SLC25A40: variants seen among roughly 807,000 people sequenced by gnomAD.
SLC25A40 encodes mitochondrial glutathione transporter SLC25A40.
Under a neutral mutation model 46.5 loss-of-function variants are expected in SLC25A40, and 41 were observed. That is an observed-to-expected ratio of 0.88 (90% CI 0.69 to 1.14). SLC25A40 has a LOEUF of 1.14. SLC25A40 is among the 50% of genes most tolerant of loss of function. The probability of loss-of-function intolerance (pLI) is 0.00; values close to 1 mark genes in which losing one functional copy is unlikely to be tolerated. For synonymous variants in SLC25A40, 126 were observed against 127.5 expected (o/e 0.99, Z 0.08); for missense variants, 386 against 393.6 (o/e 0.98, Z 0.16).
rs568452769 is a variant in SLC25A40 at position 87,869,283 on chromosome 7, T to TG, written c.-94+6812dup. Among the ~76,000 whole-genome samples, 747 of 152,210 alleles carry TG rather than the reference T, an allele frequency of 4.9e-3. 7 individuals carry two copies. The highest frequency in any genetic ancestry group is 0.017 in the African/African-American group (715 of 41,522). ...GCTCATGCCTGTATTCCTAGCACTT[T>TG]GGGGGGCCGAGTGAGGCAAACTGCT... is the stretch of plus-strand genomic sequence containing the variant. On this transcript the variant is annotated intron_variant, in intron 1 of 11. Transcript: ENST00000341119.
chr7:87,850,612 T>C (rs1279451091), intron 5 of SLC25A40, among the ~76,000 whole-genome samples: 1 of 151,608 alleles, frequency 6.6e-6, no homozygotes, highest in Non-Finnish European at 1.5e-5. Flanking sequence ...TACAAAAAGC[T>C]AAAAAATTTG....
At chr7:87,866,858 TC>T (rs1294450851) in intron 1 of SLC25A40, among the ~76,000 whole-genome samples, 1 of 152,244 alleles carries the variant, frequency 6.6e-6, no homozygotes, top group African/African-American at 2.4e-5. Context: ...TTAATCCTTT[TC>T]CTCATCCCTT....
chr7:87,871,734 C>T (rs889920135), intron 1 of SLC25A40, among the ~76,000 whole-genome samples: 7 of 151,980 alleles, frequency 4.6e-5, no homozygotes, highest in Non-Finnish European at 7.4e-5. Flanking sequence ...AGAATTTAAC[C>T]ATCTATGTTT....
chr7:87,863,190 A>T (rs1017087399), intron 1 of SLC25A40, among the ~76,000 whole-genome samples: 9 of 152,128 alleles, frequency 5.9e-5, no homozygotes, highest in African/African-American at 1.7e-4. Flanking sequence ...TTTTAAAAAA[A>T]TACTTAGGAA....
At chr7:87,867,201 T>C (rs1429988030) in intron 1 of SLC25A40, among the ~76,000 whole-genome samples, 2 of 152,256 alleles carry the variant, frequency 1.3e-5, no homozygotes, top group African/African-American at 4.8e-5. Context: ...GAATAAGTTT[T>C]CTACCTCAAC....
Position 87,847,028 on chromosome 7 carries a change from G to A in SLC25A40, c.552C>T (p.Ser184=), listed in dbSNP as rs767831970. 4.3e-6 allele frequency: 7 copies of A among 1,613,748 alleles called. No homozygotes were observed. The highest frequency in any genetic ancestry group is 3.3e-5 in the South Asian group (3 of 91,064). Residue 184 remains serine, a synonymous_variant, in exon 8 of 12, where the codon AGC becomes AGT. Transcript: ENST00000341119. ...TCCAACCATCTTCAGATACTTTCTTGCTGACAAATCGATGCAGTTCCACGT... is the reference window on the plus strand; with the variant it reads ...TCCAACCATCTTCAGATACTTTCTTACTGACAAATCGATGCAGTTCCACGT... ...FSYVELHRFV[S]KKVSEDGWIS... is the part of the protein sequence containing the mutation.
At position 87,839,689 on chromosome 7, in the gene SLC25A40, T is replaced by C. The variant is rs188492952; in HGVS notation, c.823+1944A>G. ...ATGCAGCCTCTCTTCCAGTAGATTATGAGCTCTTTGAGGATTTGGGTAATT... is the reference window on the plus strand; with the variant it reads ...ATGCAGCCTCTCTTCCAGTAGATTACGAGCTCTTTGAGGATTTGGGTAATT... On this transcript the variant is annotated intron_variant, in intron 10 of 11. Transcript: ENST00000341119. 2.2e-4 allele frequency among the ~76,000 whole-genome samples: 33 copies of C among 151,900 alleles called. No individual in the cohort carries two copies. In the East Asian group the frequency reaches 5.0e-3, roughly 23 times the overall value.
rs1439149910 is a variant in SLC25A40, at chr7:87,841,679, T to C, written c.777A>G (p.Val259=). The change falls in exon 10 of 12, where the codon GTA becomes GTG. Residue 259 remains valine (V), a synonymous_variant. Coordinates refer to ENST00000341119, the MANE Select transcript of SLC25A40 (RefSeq NM_018843.4). ...AAAGTTGTGTCTGCTTTTGTGTTTTTACTACATCAAATGGTAAAGTTGCAA... is the reference window on the plus strand; with the variant it reads ...AAAGTTGTGTCTGCTTTTGTGTTTTCACTACATCAAATGGTAAAGTTGCAA... ...AAVATLPFDV[V]KTQKQTQLWT... is the part of the protein sequence containing the mutation. 6.5e-7 allele frequency: 1 copy of C among 1,531,882 alleles called. No homozygotes were observed. 94.9% of individuals were successfully genotyped at this position (1,531,882 alleles called of 1,614,324 possible).
At chr7:87,838,254 T>A (rs998045729) in intron 10 of SLC25A40, among the ~76,000 whole-genome samples, 1 of 151,552 alleles carries the variant, frequency 6.6e-6, no homozygotes, top group African/African-American at 2.4e-5. Flanking sequence ...AATTATTTCA[T>A]TTAAATTTTA....
intron 4 of SLC25A40, among the ~76,000 whole-genome samples, chr7:87,854,701 A>C (rs1250297147): frequency 6.7e-6 from 1 of 149,010 alleles, no homozygotes; most frequent in African/African-American, 2.5e-5. Context: ...AGTCCCAGCT[A>C]CTCGGGAGGC....
chr7:87,867,798 T>C (rs147532983), intron 1 of SLC25A40, among the ~76,000 whole-genome samples: 10 of 152,364 alleles, frequency 6.6e-5, no homozygotes, highest in African/African-American at 2.2e-4. Context: ...GCCTCCTTTT[T>C]GGTACTAGGT....
Position 87,854,243 on chromosome 7 carries a change from T to C in SLC25A40, c.225A>G (p.Lys75=). 1 of 1,613,318 alleles carries C rather than the reference T, an allele frequency of 6.2e-7. No individual in the cohort carries two copies. The highest frequency in any genetic ancestry group is 8.5e-7 in the Non-Finnish European group (1 of 1,179,426). ...HLCVCEEGGN[K]LWYKKPGNFQ... is the part of the protein sequence containing the mutation. The stretch of plus-strand genomic sequence containing the variant: ...AATTTCCTGGCTTCTTATACCATAG[T>C]TTGTTGCCTCCCTCTTCACAGACAC... The change falls in exon 5 of 12, where the codon AAA becomes AAG. Residue 75 remains lysine (K), a synonymous_variant. Transcript: ENST00000341119.
intron 8 of SLC25A40, 117 bp downstream of exon 8, chr7:87,846,832 G>A: frequency 2.8e-6 from 2 of 715,144 alleles, no homozygotes; most frequent in Non-Finnish European, 4.1e-6. Context: ...GGAGTTTGTG[G>A]TCACTATAGA....
At chr7:87,838,038 TATAAA>T (rs1167876178) in intron 10 of SLC25A40, among the ~76,000 whole-genome samples, 1 of 151,524 alleles carries the variant, frequency 6.6e-6, no homozygotes, top group Non-Finnish European at 1.5e-5. Flanking sequence ...ATTTCATTTA[TATAAA>T]ATATCAGAAT....
At position 87,833,578 on chromosome 7, in the gene SLC25A40, A is replaced by T. The variant is rs1838217039; in HGVS notation, c.*2671T>A. On this transcript the variant is annotated 3_prime_UTR_variant, in exon 12 of 12. Coordinates refer to ENST00000341119, the MANE Select transcript of SLC25A40 (RefSeq NM_018843.4). ...TTGACAGATTAAATATAAAAGCAGT[A>T]ATATCTTTTATTTAAAAAGTTCATC... 2.0e-5 allele frequency: 3 copies of T among 152,046 alleles called. No homozygotes were observed. Among genetic ancestry groups the T allele is most frequent in the Non-Finnish European group, 4.4e-5 (3 of 67,944 alleles). The allele number at this position is 152,046 out of a possible 1,614,324, so 9.4% of individuals were successfully genotyped here.
At chr7:87,841,778 ATTC>A (rs758554730) in intron 9 of SLC25A40, 64 bp from the exon 10 acceptor site, 199 of 896,110 alleles carry the variant, frequency 2.2e-4, no homozygotes, top group Middle Eastern at 3.3e-4. Context: ...ATATTTTTAC[ATTC>A]TTCTTATTAG....
intron 3 of SLC25A40, among the ~76,000 whole-genome samples, chr7:87,857,398 C>G (rs1392950447): frequency 2.0e-5 from 3 of 152,126 alleles, no homozygotes; most frequent in African/African-American, 7.2e-5. Flanking sequence ...AGATACTGTT[C>G]CCAAGTGTAT....
chr7:87,862,743 T>G (rs1838726897), intron 1 of SLC25A40, among the ~76,000 whole-genome samples: 1 of 152,186 alleles, frequency 6.6e-6, no homozygotes, highest in South Asian at 2.1e-4. Context: ...AGTGTTTTAA[T>G]GAACTCACAG....
At chr7:87,855,536 A>C (rs1050213017) in intron 4 of SLC25A40, among the ~76,000 whole-genome samples, 1 of 152,208 alleles carries the variant, frequency 6.6e-6, no homozygotes, top group Non-Finnish European at 1.5e-5. Flanking sequence ...GTAAAAATAC[A>C]AAGCTGTGAA....
Sources: allele counts gnomAD v4.1 joint callset (sites outside exome capture counted in the v4.1 genomes callset), GRCh38; gene constraint gnomAD v4.1.1; transcripts MANE v1.5; gene names NCBI Gene and HGNC (gene_info 2026-07-23, HGNC 2026-07-21).